Variants in CHN2 observed in about 807,000 individuals in gnomAD.
CHN2 encodes chimerin 2, also known as beta-chimaerin.
CHN2 carries 35 observed loss-of-function variants against 56.3 expected under a neutral mutation model. The observed-to-expected ratio is 0.62, with a 90% CI of 0.47 to 0.82. The LOEUF (loss-of-function observed/expected upper bound fraction) is 0.82, where lower values mean the gene tolerates loss of function less well. Among genes scored for constraint, CHN2 ranks in the 40% least tolerant of loss-of-function variants. The probability of loss-of-function intolerance (pLI) is 0.00; values close to 1 mark genes in which losing one functional copy is unlikely to be tolerated. For synonymous variants in CHN2, 210 were observed against 212.8 expected (o/e 0.99, Z 0.12); for missense variants, 491 against 580.5 (o/e 0.85, Z 1.58).
intron 6 of CHN2, among the ~76,000 whole-genome samples, chr7:29,442,527 A>G (rs1176854371): frequency 6.6e-6 from 1 of 152,174 alleles, no homozygotes; most frequent in Non-Finnish European, 1.5e-5. Flanking sequence ...TGTATAAATA[A>G]CAACAGAATC....
At chr7:29,224,569 T>C (rs1169887841) in intron 1 of CHN2, among the ~76,000 whole-genome samples, 1 of 152,222 alleles carries the variant, frequency 6.6e-6, no homozygotes, top group African/African-American at 2.4e-5. Context: ...AGTCACTTAA[T>C]ATCTTTGTCT....
Position 29,509,465 on chromosome 7 carries a change from G to A in CHN2, c.1235+59G>A, listed in dbSNP as rs557508354. ...GCTCCTAGAGCGGTTAATGCATGAG[G>A]AAAAGTGGACGGCATTCCTCCCCAG... On this transcript the variant is annotated intron_variant, in intron 12 of 12. Coordinates refer to ENST00000222792, the MANE Select transcript of CHN2 (RefSeq NM_004067.4). 1.3e-5 allele frequency: 17 copies of A among 1,342,932 alleles called. No individual in the cohort carries two copies. In the African/African-American group the frequency reaches 1.4e-4, roughly 11 times the overall value. 83.2% of individuals were successfully genotyped at this position (1,342,932 alleles called of 1,614,324 possible).
intron 9 of CHN2, among the ~76,000 whole-genome samples, chr7:29,500,373 C>A (rs546041803): frequency 1.2e-4 from 19 of 152,268 alleles, no homozygotes; most frequent in African/African-American, 4.6e-4. Context: ...GCCTGTAATC[C>A]CAACACTTTT....
intron 1 of CHN2, among the ~76,000 whole-genome samples, chr7:29,201,003 C>G (rs1784117538): frequency 6.6e-6 from 1 of 152,132 alleles, no homozygotes; most frequent in Non-Finnish European, 1.5e-5. Context: ...TAATTGTACA[C>G]CTTTGTGAGA....
chr7:29,354,510 C>A, intron 1 of CHN2, 115 bp from the exon 2 acceptor site: 1 of 867,428 alleles, frequency 1.2e-6, no homozygotes, highest in East Asian at 2.6e-5. Flanking sequence ...AAGAGAGTCC[C>A]CCTGAGACCC....
chr7:29,428,758 A>C (rs143886084), intron 6 of CHN2, among the ~76,000 whole-genome samples: 1 of 152,192 alleles, frequency 6.6e-6, no homozygotes, highest in Non-Finnish European at 1.5e-5. Context: ...TAGGGCCTAT[A>C]AAATTTATAT....
chr7:29,207,299 C>T (rs1301610552), intron 1 of CHN2, among the ~76,000 whole-genome samples: 2 of 152,198 alleles, frequency 1.3e-5, no homozygotes, highest in East Asian at 1.9e-4. Flanking sequence ...TTGCTCAATA[C>T]ATGGGGGTGC....
chr7:29,338,882 G>A (rs1238287008), intron 1 of CHN2, among the ~76,000 whole-genome samples: 2 of 152,044 alleles, frequency 1.3e-5, no homozygotes, highest in African/African-American at 2.4e-5. Flanking sequence ...ACCCAGCCCT[G>A]GTTATGAGTA....
intron 2 of CHN2, among the ~76,000 whole-genome samples, chr7:29,189,767 T>C (rs994157885): frequency 3.9e-5 from 6 of 151,918 alleles, no homozygotes; most frequent in Non-Finnish European, 7.4e-5. Context: ...AGTGCCTGCA[T>C]GTGCCGATCT....
chr7:29,343,396 C>T lies in CHN2; in HGVS notation c.50-11229C>T, dbSNP rs958842702. On this transcript the variant is annotated intron_variant, in intron 1 of 12. Coordinates refer to ENST00000222792, the MANE Select transcript of CHN2 (RefSeq NM_004067.4). The stretch of plus-strand genomic sequence containing the variant: ...CTGTGTCTTTTCTTTCCCTCAACCC[C>T]TTGTCTCCCTGTATTGCCACCATTT... 2.0e-5 allele frequency among the ~76,000 whole-genome samples: 3 copies of T among 152,144 alleles called. No individual in the cohort carries two copies. The South Asian group carries it at 6.2e-4, about 32-fold the overall frequency.
chr7:29,329,134 C>T (rs1406569373), intron 1 of CHN2, among the ~76,000 whole-genome samples: 1 of 151,960 alleles, frequency 6.6e-6, no homozygotes, highest in Non-Finnish European at 1.5e-5. Context: ...ATGAATGGGA[C>T]AGCAGATAGA....
intron 6 of CHN2, among the ~76,000 whole-genome samples, chr7:29,413,587 C>A (rs1040278229): frequency 6.6e-6 from 1 of 152,208 alleles, no homozygotes; most frequent in African/African-American, 2.4e-5. Context: ...CATTCTGCTT[C>A]ATGACAACCC....
At chr7:29,180,703 A>C (rs1490922709) in intron 2 of CHN2, among the ~76,000 whole-genome samples, 2 of 152,252 alleles carry the variant, frequency 1.3e-5, no homozygotes, top group Admixed American at 1.3e-4. Context: ...ACTAATAAGA[A>C]GAACACTAAC....
chr7:29,256,039 A>G (rs1236540170), intron 1 of CHN2, among the ~76,000 whole-genome samples: 1 of 152,234 alleles, frequency 6.6e-6, no homozygotes, highest in East Asian at 1.9e-4. Context: ...CATTTCTCAG[A>G]CAAGAGTGAT....
chr7:29,353,756 T>C (rs769529400), intron 1 of CHN2, among the ~76,000 whole-genome samples: 2 of 152,154 alleles, frequency 1.3e-5, no homozygotes, highest in African/African-American at 2.4e-5. Flanking sequence ...TATCTAAAGG[T>C]GCTGAACTAG....
intron 6 of CHN2, among the ~76,000 whole-genome samples, chr7:29,437,597 C>CAAAAAAAAAAAAAAAAAAAA (rs11436612): frequency 1.3e-4 from 7 of 52,598 alleles, no homozygotes; most frequent in East Asian, 8.5e-4. Flanking sequence ...GACTCCGTCT[C>CAAAAAAAAAAAAAAAAAAAA]AAAAAAAAAA....
chr7:29,465,626 C>T (rs1785494956), intron 6 of CHN2, among the ~76,000 whole-genome samples: 1 of 152,194 alleles, frequency 6.6e-6, no homozygotes, highest in Non-Finnish European at 1.5e-5. Context: ...GTCTTCCTAA[C>T]AAGAAATTCT....
At chr7:29,262,090 T>G (rs1562873280) in intron 1 of CHN2, among the ~76,000 whole-genome samples, 1 of 151,984 alleles carries the variant, frequency 6.6e-6, no homozygotes, top group Non-Finnish European at 1.5e-5. Context: ...ATCGCTTGAA[T>G]CTGGAAGGCA....
At chr7:29,214,241 C>A (rs1008563405) in intron 1 of CHN2, among the ~76,000 whole-genome samples, 2 of 152,148 alleles carry the variant, frequency 1.3e-5, no homozygotes, top group East Asian at 1.9e-4. Flanking sequence ...AGGTCTTAGT[C>A]ATCACGGTAC....
Sources: allele counts gnomAD v4.1 joint callset (sites outside exome capture counted in the v4.1 genomes callset), GRCh38; gene constraint gnomAD v4.1.1; transcripts MANE v1.5; gene names NCBI Gene and HGNC (gene_info 2026-07-23, HGNC 2026-07-21).